The following SYT1 variants were observed in gnomAD, a reference collection of about 807,000 sequenced individuals.
SYT1 encodes the protein synaptotagmin 1.
A neutral mutation model predicts 44.8 loss-of-function variants in SYT1; 8 were observed. The observed-to-expected ratio is 0.18, with a 90% CI of 0.10 to 0.32. The LOEUF is 0.32. SYT1 is among the 10% of genes least tolerant of loss of function. The pLI is 1.00. For missense variants in SYT1, 286 were observed against 509.3 expected, an observed-to-expected ratio of 0.56 and a Z score of 4.22; for synonymous variants, 154 against 188.8, an observed-to-expected ratio of 0.82 and a Z score of 1.51.
intron 3 of SYT1, among the ~76,000 whole-genome samples, chr12:79,211,844 GT>G (rs1874477135): frequency 6.6e-6 from 1 of 151,960 alleles, no homozygotes; most frequent in South Asian, 2.1e-4. Context: ...TGTTCTGTTA[GT>G]TTGGTATCTA....
intron 2 of SYT1, among the ~76,000 whole-genome samples, chr12:79,029,727 C>A (rs531809674): frequency 6.6e-6 from 1 of 151,152 alleles, no homozygotes; most frequent in East Asian, 1.9e-4. Flanking sequence ...AAATGTTATT[C>A]TAAGAATTCT....
At chr12:79,418,811 T>C (rs1868915614) in intron 9 of SYT1, among the ~76,000 whole-genome samples, 1 of 152,118 alleles carries the variant, frequency 6.6e-6, no homozygotes, top group African/African-American at 2.4e-5. Context: ...CAATATCAGG[T>C]ATATCAGAGC....
chr12:79,347,591 G>C (rs1296399256), intron 8 of SYT1, among the ~76,000 whole-genome samples: 1 of 152,126 alleles, frequency 6.6e-6, no homozygotes, highest in African/African-American at 2.4e-5. Context: ...GCCTGAGTCT[G>C]CTTCCTCAGA....
At chr12:79,445,214 G>C (rs1024537356) in intron 10 of SYT1, among the ~76,000 whole-genome samples, 10 of 151,578 alleles carry the variant, frequency 6.6e-5, no homozygotes, top group Non-Finnish European at 5.9e-5. Context: ...ATATTCATGG[G>C]GCACATAGTA....
intron 3 of SYT1, among the ~76,000 whole-genome samples, chr12:79,068,735 C>T (rs1162101954): frequency 2.0e-5 from 3 of 151,992 alleles, no homozygotes; most frequent in Admixed American, 1.3e-4. Flanking sequence ...AGTAACCTGC[C>T]GGGCATGGTA....
chr12:79,279,821 A>G (rs115481133), intron 4 of SYT1, among the ~76,000 whole-genome samples: 1,638 of 152,230 alleles, frequency 0.011, 32 homozygotes, highest in African/African-American at 0.038. Context: ...AAGGTACGTA[A>G]ATCAGTACCA....
At chr12:79,286,066 C>T (rs1879300228) in intron 5 of SYT1, 95 bp downstream of exon 5, 2 of 1,360,728 alleles carry the variant, frequency 1.5e-6, no homozygotes, top group Admixed American at 5.6e-5. Flanking sequence ...TAAACAACTT[C>T]TGGACCCATA....
chr12:79,421,307 G>T lies in SYT1; in HGVS notation c.929-22766G>T, dbSNP rs145717116. On this transcript the variant is annotated intron_variant, in intron 9 of 10. Coordinates refer to ENST00000261205, the MANE Select transcript of SYT1 (RefSeq NM_005639.3). Reference sequence around the variant, plus strand: ...GGTAGATGAAACTTCCTCCAAATGAGATCTGCTGCTTTTTCATTACTGTCT... The same window carrying T: ...GGTAGATGAAACTTCCTCCAAATGATATCTGCTGCTTTTTCATTACTGTCT... 1.8e-4 allele frequency among the ~76,000 whole-genome samples: 27 copies of T among 152,226 alleles called. No homozygotes were observed. In the East Asian group the frequency reaches 4.8e-3, roughly 27 times the overall value.
intron 3 of SYT1, among the ~76,000 whole-genome samples, chr12:79,087,097 A>G (rs541431111): frequency 6.6e-6 from 1 of 152,270 alleles, no homozygotes; most frequent in East Asian, 1.9e-4. Context: ...TTAGTACACA[A>G]TTCGGGCCTT....
In SYT1 at chr12:79,296,140, G is replaced by T. The variant is rs1343223825; in HGVS notation, c.546G>T (p.Val182=). Residue 182 remains valine, a synonymous_variant, in exon 7 of 11, where the codon GTG becomes GTT. Transcript: ENST00000261205. The stretch of plus-strand genomic sequence containing the variant: ...TGGGGGGCACATCTGATCCTTACGT[G>T]AAAGTGTTTCTGCTACCTGATAAGA... ...LDMGGTSDPY[V]KVFLLPDKKK... is the part of the protein sequence containing the mutation. 6.2e-7 allele frequency: 1 copy of T among 1,613,968 alleles called. No homozygotes were observed. The highest frequency in any genetic ancestry group is 8.5e-7 in the Non-Finnish European group (1 of 1,179,996).
At chr12:79,124,115 C>T (rs1209933252) in intron 3 of SYT1, among the ~76,000 whole-genome samples, 2 of 152,130 alleles carry the variant, frequency 1.3e-5, no homozygotes, top group African/African-American at 2.4e-5. Flanking sequence ...AAAGAAAAAC[C>T]TCTTGCAAAT....
At chr12:79,280,224 A>C (rs1257347302) in intron 4 of SYT1, among the ~76,000 whole-genome samples, 1 of 152,136 alleles carries the variant, frequency 6.6e-6, no homozygotes, top group Non-Finnish European at 1.5e-5. Context: ...GCAATATCAC[A>C]TTACCTGACT....
At position 79,212,350 on chromosome 12, in the gene SYT1, C is replaced by T. The variant is rs189849171; in HGVS notation, c.-17-5153C>T. 4.6e-3 allele frequency among the ~76,000 whole-genome samples: 694 copies of T among 152,002 alleles called. 2 individuals are homozygous for T. The highest frequency in any genetic ancestry group is 7.1e-3 in the Admixed American group (108 of 15,254). ...TGCAGGGAGGGGAACATCACACACCCGGACCTTTCAGGGGTGGGAGGCAAG... is the reference window on the plus strand; with the variant it reads ...TGCAGGGAGGGGAACATCACACACCTGGACCTTTCAGGGGTGGGAGGCAAG... On this transcript the variant is annotated intron_variant, in intron 3 of 10. Coordinates refer to ENST00000261205, the MANE Select transcript of SYT1 (RefSeq NM_005639.3).
chr12:79,337,472 C>T (rs1261239209), intron 8 of SYT1, among the ~76,000 whole-genome samples: 1 of 152,144 alleles, frequency 6.6e-6, no homozygotes, highest in Non-Finnish European at 1.5e-5. Flanking sequence ...CCCCATTTTC[C>T]CCATGATGTC....
chr12:79,068,663 C>G (rs1439917108), intron 3 of SYT1, among the ~76,000 whole-genome samples: 1 of 152,126 alleles, frequency 6.6e-6, no homozygotes, highest in Non-Finnish European at 1.5e-5. Flanking sequence ...TCCTCCTACT[C>G]TATTCCAAAC....
chr12:79,445,266 G>C (rs1363000759), intron 10 of SYT1, among the ~76,000 whole-genome samples: 2 of 152,034 alleles, frequency 1.3e-5, no homozygotes, highest in East Asian at 3.8e-4. Context: ...AATCAGAGTA[G>C]TTAGCATATT....
At chr12:79,040,186 A>G (rs1448476010) in intron 2 of SYT1, among the ~76,000 whole-genome samples, 1 of 151,794 alleles carries the variant, frequency 6.6e-6, no homozygotes, top group African/African-American at 2.4e-5. Context: ...CAGATCCCTG[A>G]GGAATCGCCA....
intron 3 of SYT1, among the ~76,000 whole-genome samples, chr12:79,175,915 T>G (rs1370583525): frequency 6.6e-6 from 1 of 152,098 alleles, no homozygotes; most frequent in African/African-American, 2.4e-5. Context: ...TTAAATAATT[T>G]TAATGTTAAA....
intron 3 of SYT1, among the ~76,000 whole-genome samples, 192 bp downstream of exon 3, chr12:79,047,554 A>T (rs1592698595): frequency 6.6e-6 from 1 of 151,902 alleles, no homozygotes; most frequent in Admixed American, 6.6e-5. Flanking sequence ...ATAAGAGGGC[A>T]AAGTACTCGT....
Sources: allele counts gnomAD v4.1 joint callset (sites outside exome capture counted in the v4.1 genomes callset), GRCh38; gene constraint gnomAD v4.1.1; transcripts MANE v1.5; gene names NCBI Gene and HGNC (gene_info 2026-07-23, HGNC 2026-07-21).